F8: variants seen among roughly 807,000 people sequenced by gnomAD.
The protein encoded by F8 is coagulation factor VIII.
Under a neutral mutation model 140.6 loss-of-function variants are expected in F8, and 12 were observed. The ratio of observed to expected loss-of-function variants is 0.09; its 90% CI spans 0.05 to 0.14. The LOEUF (loss-of-function observed/expected upper bound fraction) is 0.14. Among genes scored for constraint, F8 ranks in the 10% least tolerant of loss-of-function variants. The pLI, the probability that F8 is intolerant of heterozygous loss-of-function variation, is 1.00. For missense variants in F8, 1,354 were observed against 1,720.7 expected, an observed-to-expected ratio of 0.79 and a Z score of 3.77; for synonymous variants, 585 against 614.6, an observed-to-expected ratio of 0.95 and a Z score of 0.71.
In F8 at chrX:154,837,833, A is replaced by C; in HGVS notation, c.6901-81T>G. 6 of 949,680 alleles carry C rather than the reference A, an allele frequency of 6.3e-6. No individual in the cohort carries two copies. The South Asian group carries it at 1.2e-4, about 19-fold the overall frequency. 78.3% of individuals were successfully genotyped at this position (949,680 alleles called of 1,213,427 possible). On this transcript the variant is annotated intron_variant, in intron 25 of 25. Coordinates refer to ENST00000360256, the MANE Select transcript of F8 (RefSeq NM_000132.4). ...AAGCACAGACGCTTTTCTCACTTCT[A>C]GTTGTTTCCAGTAGTCCAGGATTAA... is the stretch of plus-strand genomic sequence containing the variant.
intron 14 of F8, chrX:154,908,913 G>A (rs2073051223): frequency 7.7e-6 from 1 of 130,696 alleles, no homozygotes; most frequent in African/African-American, 3.2e-5. Flanking sequence ...TAACCAGAAG[G>A]AAATCAACCA....
At chrX:154,895,583 G>C (rs1377125031) in intron 22 of F8, among the ~76,000 whole-genome samples, 5 of 111,685 alleles carry the variant, frequency 4.5e-5, no homozygotes, top group African/African-American at 1.3e-4. Context: ...AGATTTGTGG[G>C]CATAAAAATG....
intron 10 of F8, among the ~76,000 whole-genome samples, chrX:154,957,799 T>C (rs2073372555): frequency 9.4e-6 from 1 of 106,697 alleles, no homozygotes; most frequent in Non-Finnish European, 1.9e-5. Flanking sequence ...GGCATGAGAA[T>C]TGCTTGAACC....
chrX:154,942,462 A>G (rs2124073170), intron 13 of F8, among the ~76,000 whole-genome samples: 1 of 109,479 alleles, frequency 9.1e-6, no homozygotes, highest in East Asian at 2.9e-4. Flanking sequence ...CCAAGACTAA[A>G]CCAGGAAGAA....
intron 1 of F8, among the ~76,000 whole-genome samples, chrX:155,011,349 A>G (rs1002355417): frequency 3.6e-5 from 4 of 112,561 alleles, no homozygotes; most frequent in African/African-American, 1.3e-4. Flanking sequence ...CCAAACTACA[A>G]TGAGATATCA....
intron 25 of F8, among the ~76,000 whole-genome samples, chrX:154,839,573 A>C (rs1379140752): frequency 8.2e-5 from 9 of 110,320 alleles, no homozygotes; most frequent in African/African-American, 3.0e-4. Context: ...TGTGTTAGCC[A>C]GGATGGTCTT....
chrX:154,949,608 A>G (rs1481030344), intron 12 of F8, among the ~76,000 whole-genome samples: 1 of 111,922 alleles, frequency 8.9e-6, no homozygotes, highest in Admixed American at 9.4e-5. Context: ...TATACCACAG[A>G]CTGGGAGGTG....
At chrX:154,960,345 A>G (rs2073389421) in intron 10 of F8, among the ~76,000 whole-genome samples, 2 of 111,754 alleles carry the variant, frequency 1.8e-5, no homozygotes, top group Non-Finnish European at 3.8e-5. Context: ...TTAAAAATGG[A>G]TGCCTCTAGG....
intron 14 of F8, among the ~76,000 whole-genome samples, chrX:154,912,043 A>C (rs1312591661): frequency 9.0e-6 from 1 of 111,034 alleles, no homozygotes; most frequent in South Asian, 3.7e-4. Context: ...TTTTAATAGG[A>C]TCCTTTGCTT....
In F8 at chrX:155,020,534, C is replaced by T. The variant is rs5945276; in HGVS notation, c.143+1876G>A. On this transcript the variant is annotated intron_variant, in intron 1 of 25. Coordinates refer to ENST00000360256, the MANE Select transcript of F8 (RefSeq NM_000132.4). Reference sequence around the variant, plus strand: ...TATCTCTGATTATAAAAATTAAAAACTGTTTTGGTAAAAGTTATAAGAAAG... The same window carrying T: ...TATCTCTGATTATAAAAATTAAAAATTGTTTTGGTAAAAGTTATAAGAAAG... 5.9e-3 allele frequency among the ~76,000 whole-genome samples: 657 copies of T among 111,172 alleles called. 2 individuals are homozygous for T. The highest frequency in any genetic ancestry group is 0.02 in the African/African-American group (598 of 29,959).
At chrX:154,904,166 A>T (rs1299987981) in intron 17 of F8, 78 bp from the exon 18 acceptor site, 1 of 1,114,869 alleles carries the variant, frequency 9.0e-7, no homozygotes, top group Non-Finnish European at 1.2e-6. Flanking sequence ...AAAAACTGAC[A>T]TCTATGAGGA....
intron 25 of F8, among the ~76,000 whole-genome samples, chrX:154,842,728 T>C (rs2072531006): frequency 8.9e-6 from 1 of 112,322 alleles, no homozygotes. Context: ...TGTAGCTTAT[T>C]TGTAGCTTAA....
intron 13 of F8, among the ~76,000 whole-genome samples, chrX:154,944,042 GT>G (rs2073287056): frequency 9.0e-6 from 1 of 111,647 alleles, no homozygotes; most frequent in East Asian, 2.8e-4. Flanking sequence ...AGACTTAAAC[GT>G]TAGACCTAAA....
chrX:154,841,789 T>C (rs1384767782), intron 25 of F8, among the ~76,000 whole-genome samples: 1 of 111,660 alleles, frequency 9.0e-6, no homozygotes, highest in Non-Finnish European at 1.9e-5. Flanking sequence ...CTTGCATTCC[T>C]AGCATAAATC....
intron 1 of F8, among the ~76,000 whole-genome samples, chrX:155,020,440 C>T (rs782179089): frequency 1.8e-5 from 2 of 112,068 alleles, no homozygotes; most frequent in African/African-American, 3.2e-5. Context: ...GGAGATTACA[C>T]GTACAATCTT....
At chrX:154,839,385 C>T (rs1450127945) in intron 25 of F8, among the ~76,000 whole-genome samples, 3 of 100,599 alleles carry the variant, frequency 3.0e-5, no homozygotes, top group East Asian at 6.4e-4. Flanking sequence ...TTTTTTGAGA[C>T]GGAGTCTCGC....
At chrX:154,984,601 A>G in intron 6 of F8, 86 bp downstream of exon 6, 1 of 683,358 alleles carries the variant, frequency 1.5e-6, no homozygotes, top group South Asian at 2.1e-5. Context: ...ATCCTCTGAG[A>G]TGCCGAGCTG....
intron 1 of F8, among the ~76,000 whole-genome samples, chrX:155,009,709 T>TG (rs1487839696): frequency 9.0e-6 from 1 of 110,665 alleles, no homozygotes; most frequent in East Asian, 2.8e-4. Flanking sequence ...CACTCCAGCC[T>TG]GGGGGATAGA....
At chrX:154,950,406 T>A (rs189446825) in intron 12 of F8, among the ~76,000 whole-genome samples, 1 of 111,829 alleles carries the variant, frequency 8.9e-6, no homozygotes, top group East Asian at 2.8e-4. Context: ...CTGGTGTATC[T>A]CATTGGTGGT....
Sources: gnomAD v4.1 joint callset for allele counts (sites outside exome capture counted in the v4.1 genomes callset) on GRCh38, gnomAD v4.1.1 for gene constraint, MANE v1.5 for transcripts, NCBI Gene and HGNC (gene_info 2026-07-23, HGNC 2026-07-21) for gene names.